The following NINJ2 variants were observed in gnomAD, a reference collection of about 807,000 sequenced individuals.
NINJ2 encodes the protein ninjurin 2.
In NINJ2, 12 loss-of-function variants were observed where a neutral mutation model predicts 11.7. The ratio of observed to expected loss-of-function variants is 1.02; its 90% CI spans 0.66 to 1.66. The LOEUF (loss-of-function observed/expected upper bound fraction) is 1.66, where lower values mean the gene tolerates loss of function less well. Ranked by LOEUF, NINJ2 falls within the 40% of genes most tolerant of loss-of-function variation. The pLI is 0.00. For missense variants in NINJ2, 187 were observed against 181.8 expected, an observed-to-expected ratio of 1.03 and a Z score of -0.16; for synonymous variants, 93 against 76.8, an observed-to-expected ratio of 1.21 and a Z score of -1.10.
At chr12:619,431 ACAGCCCCACACCCTGCAGT>A (rs906191218) in intron 1 of NINJ2, among the ~76,000 whole-genome samples, 1 of 152,218 alleles carries the variant, frequency 6.6e-6, no homozygotes, top group African/African-American at 2.4e-5. Context: ...CGATCTTTAC[ACAGCCCCACACCCTGCAGT>A]CAGTGTGTGA....
Position 617,764 on chromosome 12 carries a change from T to C in NINJ2, c.33+45564A>G, listed in dbSNP as rs557996513. 8.0e-4 allele frequency among the ~76,000 whole-genome samples: 122 copies of C among 152,218 alleles called. 1 individual carries two copies. The highest frequency in any genetic ancestry group is 2.9e-3 in the African/African-American group (120 of 41,540). ...AGCTCTCTTTGTTTAGCCACAGAGATTGGGCAACTTCTGTTGGGCAGCGAG... is the reference window on the plus strand; with the variant it reads ...AGCTCTCTTTGTTTAGCCACAGAGACTGGGCAACTTCTGTTGGGCAGCGAG... On this transcript the variant is annotated intron_variant, in intron 1 of 3. Transcript: ENST00000305108.
chr12:593,249 G>A (rs530243142), intron 1 of NINJ2, among the ~76,000 whole-genome samples: 2 of 152,220 alleles, frequency 1.3e-5, no homozygotes, highest in East Asian at 3.9e-4. Flanking sequence ...GAACTCTTAG[G>A]GGAAGAAAAG....
At chr12:565,428 G>C (rs1471647730) in intron 2 of NINJ2, 27 bp from the exon 3 acceptor site, 2 of 1,610,050 alleles carry the variant, frequency 1.2e-6, no homozygotes, top group Non-Finnish European at 1.7e-6. Flanking sequence ...TGGGGGGAAA[G>C]GGTCAGAGAC....
intron 1 of NINJ2, among the ~76,000 whole-genome samples, chr12:597,189 C>T (rs1032142258): frequency 3.3e-5 from 5 of 152,126 alleles, no homozygotes; most frequent in Admixed American, 1.3e-4. Flanking sequence ...TGTGGGTTTC[C>T]GGGTGATGGC....
intron 1 of NINJ2, among the ~76,000 whole-genome samples, chr12:582,332 C>CAG (rs1947567517): frequency 9.2e-6 from 1 of 108,634 alleles, no homozygotes; most frequent in African/African-American, 3.9e-5. Flanking sequence ...AATGAATGGA[C>CAG]GCAGGCAGGC....
intron 1 of NINJ2, among the ~76,000 whole-genome samples, chr12:624,164 C>T (rs2120395095): frequency 6.6e-6 from 1 of 152,360 alleles, no homozygotes; most frequent in South Asian, 2.1e-4. Context: ...GCAAATGACT[C>T]ATTGTTCTCT....
chr12:565,160 A>G (rs1592063868), intron 3 of NINJ2, 57 bp downstream of exon 3: 4 of 1,414,312 alleles, frequency 2.8e-6, no homozygotes, highest in East Asian at 4.8e-5. Flanking sequence ...GCCCCAGAGG[A>G]GAGAGAAGGG....
chr12:602,969 G>A (rs1420797305), intron 1 of NINJ2, among the ~76,000 whole-genome samples: 1 of 151,370 alleles, frequency 6.6e-6, no homozygotes, highest in Non-Finnish European at 1.5e-5. Context: ...ACTAGTTAGA[G>A]CTACAGGCAC....
chr12:577,448 T>TATATACATATATATGTATA, intron 1 of NINJ2, among the ~76,000 whole-genome samples: 1 of 141,934 alleles, frequency 7.0e-6, no homozygotes, highest in Non-Finnish European at 1.5e-5. Flanking sequence ...TATATAAATA[T>TATATACATATATATGTATA]TTTGGCACGA....
At chr12:602,974 A>G (rs1347315750) in intron 1 of NINJ2, among the ~76,000 whole-genome samples, 1 of 150,520 alleles carries the variant, frequency 6.6e-6, no homozygotes, top group Non-Finnish European at 1.5e-5. Context: ...TTAGAGCTAC[A>G]GGCACATGGC....
chr12:568,380 CA>C (rs1947329979), intron 1 of NINJ2, among the ~76,000 whole-genome samples: 1 of 152,196 alleles, frequency 6.6e-6, no homozygotes, highest in Non-Finnish European at 1.5e-5. Flanking sequence ...CGTTTGCCTT[CA>C]AAACTCAGCC....
intron 1 of NINJ2, among the ~76,000 whole-genome samples, chr12:649,377 T>C (rs957009115): frequency 3.3e-5 from 5 of 151,956 alleles, no homozygotes; most frequent in African/African-American, 7.2e-5. Context: ...TTGGAGCATA[T>C]TCAGATACAA....
intron 1 of NINJ2, among the ~76,000 whole-genome samples, chr12:625,661 G>A (rs1382333380): frequency 1.3e-5 from 2 of 152,050 alleles, no homozygotes; most frequent in Non-Finnish European, 2.9e-5. Flanking sequence ...TCTCATGGAC[G>A]GTACAGAAAG....
intron 1 of NINJ2, among the ~76,000 whole-genome samples, chr12:601,245 A>G (rs1947862167): frequency 6.6e-6 from 1 of 152,174 alleles, no homozygotes; most frequent in Non-Finnish European, 1.5e-5. Context: ...TTTAAAAATT[A>G]ACTTTAAAAA....
intron 1 of NINJ2, chr12:643,462 G>A: frequency 1.0e-6 from 1 of 988,260 alleles, no homozygotes; most frequent in Non-Finnish European, 1.2e-6. Flanking sequence ...GAGGGGAGAA[G>A]GGAAGAAAGA....
At chr12:616,172 C>G (rs1170656503) in intron 1 of NINJ2, among the ~76,000 whole-genome samples, 2 of 152,146 alleles carry the variant, frequency 1.3e-5, no homozygotes, top group Non-Finnish European at 2.9e-5. Context: ...GATTTTGAAG[C>G]AAAGTCCTAT....
intron 1 of NINJ2, among the ~76,000 whole-genome samples, chr12:604,068 C>T (rs534876154): frequency 6.6e-6 from 1 of 152,276 alleles, no homozygotes; most frequent in East Asian, 1.9e-4. Flanking sequence ...AGTAAGTTTT[C>T]CTGTTGGGAC....
intron 1 of NINJ2, among the ~76,000 whole-genome samples, chr12:598,457 A>G (rs1444555330): frequency 6.6e-6 from 1 of 152,210 alleles, no homozygotes; most frequent in African/African-American, 2.4e-5. Flanking sequence ...GCTATGTCTA[A>G]GGTGTGAGTG....
At chr12:632,843 G>A (rs529473251) in intron 1 of NINJ2, among the ~76,000 whole-genome samples, 1 of 152,192 alleles carries the variant, frequency 6.6e-6, no homozygotes. Context: ...TGAAGTTATA[G>A]CCCTTTCTGG....
Sources: allele counts gnomAD v4.1 joint callset (sites outside exome capture counted in the v4.1 genomes callset), GRCh38; gene constraint gnomAD v4.1.1; transcripts MANE v1.5; gene names NCBI Gene and HGNC (gene_info 2026-07-23, HGNC 2026-07-21).